DARS2: variants seen among roughly 807,000 people sequenced by gnomAD.
DARS2 encodes the protein aspartyl-tRNA synthetase 2, mitochondrial.
In DARS2, 63 loss-of-function variants were observed where a neutral mutation model predicts 83.0. The observed-to-expected ratio is 0.76, with a 90% confidence interval of 0.62 to 0.94. The LOEUF is 0.94. Ranked by LOEUF, DARS2 falls within the 40% of genes least tolerant of loss-of-function variation. The pLI is 0.00. For missense variants in DARS2, 675 were observed against 774.4 expected (o/e 0.87, Z 1.52); for synonymous variants, 250 against 269.3 (o/e 0.93, Z 0.70).
In DARS2 at chr1:173,857,949, T is replaced by G. The variant is rs1227260821; in HGVS notation, c.*244T>G. The G allele has an allele frequency of 1.9e-6, 1 of 512,934 alleles. No individual in the cohort carries two copies. The highest frequency in any genetic ancestry group is 3.5e-6 in the Non-Finnish European group (1 of 283,896). The allele number at this position is 512,934 out of a possible 1,614,324, so 31.8% of individuals were successfully genotyped here. A position where few individuals can be genotyped will look rare whatever the true frequency, so the allele number is the denominator to read the frequency against. On this transcript the variant is annotated 3_prime_UTR_variant, in exon 17 of 17. Transcript: ENST00000649689. ...TTTTTGAAGTTCCTTTTTACTTAGG[T>G]GTGAAAGATGGTTCTTTGTTGAAAT...
intron 10 of DARS2, among the ~76,000 whole-genome samples, chr1:173,839,953 G>T (rs1653146083): frequency 6.6e-6 from 1 of 152,014 alleles, no homozygotes; most frequent in Non-Finnish European, 1.5e-5. Flanking sequence ...CTATCTGTAA[G>T]TATTTAAAGC....
chr1:173,856,103 A>C (rs1440648646), intron 15 of DARS2, among the ~76,000 whole-genome samples: 2 of 152,202 alleles, frequency 1.3e-5, no homozygotes, highest in Non-Finnish European at 2.9e-5. Context: ...AGTTCTAAGC[A>C]TAAGGCTTTG....
chr1:173,843,542 A>C (rs1266477992), intron 11 of DARS2, among the ~76,000 whole-genome samples: 1 of 152,234 alleles, frequency 6.6e-6, no homozygotes, highest in Non-Finnish European at 1.5e-5. Flanking sequence ...CCTGGGCAAC[A>C]GAGTGAGACT....
At chr1:173,832,202 G>C (rs1363895880) in intron 5 of DARS2, among the ~76,000 whole-genome samples, 1 of 152,012 alleles carries the variant, frequency 6.6e-6, no homozygotes, top group Non-Finnish European at 1.5e-5. Flanking sequence ...TTTTTAATTA[G>C]TCTTAATTAA....
In DARS2 at chr1:173,835,430, G is replaced by A. The variant is rs764149687; in HGVS notation, c.663+911G>A. On this transcript the variant is annotated intron_variant, in intron 7 of 16. Coordinates refer to ENST00000649689, the MANE Select transcript of DARS2 (RefSeq NM_018122.5). ...TTAAGAACAAATCTATTGGCCGGGC[G>A]CGGTGGCTCACACATGTAGTCTTAG... Among the ~76,000 whole-genome samples the A allele has an allele frequency of 1.1e-4, 17 of 151,150 alleles. No individual in the cohort carries two copies. The Middle Eastern group carries it at 0.014, about 123-fold the overall frequency.
At chr1:173,856,348 T>C (rs1027729643) in intron 15 of DARS2, among the ~76,000 whole-genome samples, 9 of 152,226 alleles carry the variant, frequency 5.9e-5, no homozygotes, top group Non-Finnish European at 1.2e-4. Flanking sequence ...CAGGAGAGTT[T>C]CCTGCTTTTT....
At chr1:173,832,299 C>T (rs1652821057) in intron 5 of DARS2, among the ~76,000 whole-genome samples, 1 of 152,004 alleles carries the variant, frequency 6.6e-6, no homozygotes, top group Non-Finnish European at 1.5e-5. Context: ...ATTGGTCTTA[C>T]ATTTAAGTTC....
At chr1:173,825,671 G>C (rs976414821) in intron 1 of DARS2, among the ~76,000 whole-genome samples, 6 of 150,954 alleles carry the variant, frequency 4.0e-5, no homozygotes, top group Non-Finnish European at 8.9e-5. Flanking sequence ...GGGTTTCACT[G>C]TGTTAGCCAG....
At chr1:173,830,175 C>T (rs192846246) in intron 3 of DARS2, among the ~76,000 whole-genome samples, 1 of 152,248 alleles carries the variant, frequency 6.6e-6, no homozygotes, top group East Asian at 1.9e-4. Context: ...TTTTTACTAA[C>T]GCTTGTATGC....
intron 12 of DARS2, among the ~76,000 whole-genome samples, chr1:173,847,594 G>A (rs1653483290): frequency 6.6e-6 from 1 of 151,938 alleles, no homozygotes; most frequent in Admixed American, 6.6e-5. Flanking sequence ...AGCAACATAT[G>A]GCATACACAT....
At chr1:173,845,163 C>A in intron 11 of DARS2, 66 bp from the exon 12 acceptor site, 2 of 934,816 alleles carry the variant, frequency 2.1e-6, no homozygotes, top group Non-Finnish European at 3.5e-6. Context: ...GTCATTTGAT[C>A]GCATAACCAT....
At chr1:173,843,373 A>C (rs1244126824) in intron 11 of DARS2, among the ~76,000 whole-genome samples, 1 of 152,146 alleles carries the variant, frequency 6.6e-6, no homozygotes, top group Non-Finnish European at 1.5e-5. Context: ...AGCCTGGCCA[A>C]TATGGTGAAA....
chr1:173,836,674 C>T, intron 7 of DARS2, among the ~76,000 whole-genome samples: 1 of 152,070 alleles, frequency 6.6e-6, no homozygotes, highest in East Asian at 1.9e-4. Context: ...ACACAAAATT[C>T]ATTCATCTAG....
chr1:173,825,214 A>G lies in DARS2; in HGVS notation c.-16A>G. 2.5e-6 allele frequency: 4 copies of G among 1,610,276 alleles called. No homozygotes were observed. The highest frequency in any genetic ancestry group is 2.2e-5 in the South Asian group (2 of 91,050). ...TGGGATTTCGTGATTGTTTTTCGCC[A>G]TCGTGTGGCTCCAACATGTACTTCC... On this transcript the variant is annotated 5_prime_UTR_variant, in exon 1 of 17. Coordinates refer to ENST00000649689, the MANE Select transcript of DARS2 (RefSeq NM_018122.5).
chr1:173,829,078 C>G (rs1410913838), intron 3 of DARS2, among the ~76,000 whole-genome samples: 1 of 152,016 alleles, frequency 6.6e-6, no homozygotes, highest in African/African-American at 2.4e-5. Context: ...AAAAAAAAAT[C>G]CAAGGAATAC....
intron 12 of DARS2, among the ~76,000 whole-genome samples, chr1:173,846,786 ACC>A (rs1653451839): frequency 6.6e-6 from 1 of 152,112 alleles, no homozygotes; most frequent in Admixed American, 6.6e-5. Flanking sequence ...ACACAGTGAG[ACC>A]CTGTCTCAAA....
At position 173,858,095 on chromosome 1, in the gene DARS2, A is replaced by G. The variant is rs1026709899; in HGVS notation, c.*390A>G. 5.8e-5 allele frequency: 15 copies of G among 260,650 alleles called. No homozygotes were observed. Among genetic ancestry groups the G allele is most frequent in the African/African-American group, 3.1e-4 (14 of 45,134 alleles). The allele number at this position is 260,650 out of a possible 1,614,324, so 16.1% of individuals were successfully genotyped here. A position where few individuals can be genotyped will look rare whatever the true frequency, so the allele number is the denominator to read the frequency against. On this transcript the variant is annotated 3_prime_UTR_variant, in exon 17 of 17. Transcript: ENST00000649689. ...AGGAAAATGCTTGCCCCTGTAAACT[A>G]GTGAGTTGATGGAGCATTTGCTTCA... is the stretch of plus-strand genomic sequence containing the variant.
rs751581961 is a variant in DARS2 at position 173,830,661 on chromosome 1, C to T, written c.296C>T (p.Ser99Leu). ...LVQVIIPQDE[S>L]AASVKKILCE... ...ACTCTTTTCCCCCTTGTTCTGTAGT[C>T]GGCAGCCTCTGTGAAGAAGATTTTA... The change falls in exon 4 of 17, where the codon TCG becomes TTG. Residue 99 changes from serine to leucine, a missense_variant and splice_region_variant. Physicochemically the swap from Ser to Leu is moderately radical, Grantham distance 145. Coordinates refer to ENST00000649689, the MANE Select transcript of DARS2 (RefSeq NM_018122.5). 1.7e-5 allele frequency: 27 copies of T among 1,612,686 alleles called. No homozygotes were observed. The highest frequency in any genetic ancestry group is 1.2e-4 in the South Asian group (11 of 91,044).
chr1:173,833,080 CTT>C (rs1315377895), intron 5 of DARS2, among the ~76,000 whole-genome samples: 1 of 152,068 alleles, frequency 6.6e-6, no homozygotes, highest in Non-Finnish European at 1.5e-5. Flanking sequence ...CCTTTGAAAT[CTT>C]TAAATTTTTT....
Sources: allele counts gnomAD v4.1 joint callset (sites outside exome capture counted in the v4.1 genomes callset), GRCh38; gene constraint gnomAD v4.1.1; transcripts MANE v1.5; gene names NCBI Gene and HGNC (gene_info 2026-07-23, HGNC 2026-07-21).